The following ZNF385B variants were observed in gnomAD, a reference collection of about 807,000 sequenced individuals.
ZNF385B encodes the protein zinc finger protein 385B, also known as zinc finger protein 533.
ZNF385B carries 23 observed loss-of-function variants against 39.2 expected under a neutral mutation model. That is an observed-to-expected ratio of 0.59 (90% CI 0.42 to 0.83). The LOEUF is 0.83. ZNF385B is among the 40% of genes least tolerant of loss of function. The pLI is 0.00. For missense variants in ZNF385B, 552 were observed against 598.9 expected (o/e 0.92, Z 0.82); for synonymous variants, 205 against 222.6 (o/e 0.92, Z 0.70).
rs539293998 is a variant in ZNF385B, at chr2:179,586,896, G to A, written c.299-41927C>T. On this transcript the variant is annotated intron_variant, in intron 3 of 9. Coordinates refer to ENST00000410066, the MANE Select transcript of ZNF385B (RefSeq NM_152520.6). ...TACTAAAAATACAAAAAAATTAGCC[G>A]GGCGTGGTGGCACGTGCCTGTAGTC... Among the ~76,000 whole-genome samples, 32 of 152,004 alleles carry A rather than the reference G, an allele frequency of 2.1e-4. No homozygotes were observed. In the South Asian group the frequency reaches 6.3e-3, roughly 30 times the overall value.
At chr2:179,490,035 G>A (rs747973575) in intron 5 of ZNF385B, among the ~76,000 whole-genome samples, 16 of 152,110 alleles carry the variant, frequency 1.1e-4, no homozygotes, top group Admixed American at 2.0e-4. Flanking sequence ...TTCAACATTC[G>A]TAGTATCTTC....
intron 3 of ZNF385B, among the ~76,000 whole-genome samples, chr2:179,653,518 C>T (rs775888630): frequency 2.2e-4 from 33 of 152,148 alleles, no homozygotes; most frequent in Non-Finnish European, 3.7e-4. Flanking sequence ...ATCAGCTACT[C>T]ACTCCCCTAA....
At chr2:179,738,046 A>G (rs571812389) in intron 3 of ZNF385B, among the ~76,000 whole-genome samples, 67 of 152,108 alleles carry the variant, frequency 4.4e-4, no homozygotes, top group Non-Finnish European at 7.6e-4. Context: ...CAACCCTTAA[A>G]CCTCCTTTAT....
chr2:179,513,155 T>C (rs1023030166), intron 5 of ZNF385B, among the ~76,000 whole-genome samples: 1 of 152,216 alleles, frequency 6.6e-6, no homozygotes, highest in African/African-American at 2.4e-5. Flanking sequence ...TTAGAAATGT[T>C]ATTAAAAATA....
At chr2:179,597,926 A>G (rs2106093772) in intron 3 of ZNF385B, among the ~76,000 whole-genome samples, 1 of 152,330 alleles carries the variant, frequency 6.6e-6, no homozygotes, top group East Asian at 1.9e-4. Flanking sequence ...AGTAAAAATC[A>G]TCTTCACTAG....
chr2:179,846,649 A>G (rs1708814688), intron 1 of ZNF385B, among the ~76,000 whole-genome samples: 1 of 152,232 alleles, frequency 6.6e-6, no homozygotes, highest in Admixed American at 6.5e-5. Flanking sequence ...AGAAACAGAG[A>G]AGAATCTTTA....
intron 3 of ZNF385B, among the ~76,000 whole-genome samples, chr2:179,714,969 C>G (rs1700241973): frequency 8.6e-6 from 1 of 116,530 alleles, no homozygotes; most frequent in Non-Finnish European, 1.8e-5. Flanking sequence ...AAACAGTTTC[C>G]TGAATGTAGA....
chr2:179,545,598 G>T (rs900755512), intron 3 of ZNF385B, among the ~76,000 whole-genome samples: 1 of 152,140 alleles, frequency 6.6e-6, no homozygotes, highest in Non-Finnish European at 1.5e-5. Flanking sequence ...TTCAGACAGG[G>T]TGTTGGGGGA....
chr2:179,713,353 C>T lies in ZNF385B; in HGVS notation c.298+56150G>A, dbSNP rs75162024. On this transcript the variant is annotated intron_variant, in intron 3 of 9. Transcript: ENST00000410066. Reference sequence around the variant, plus strand: ...TGTTCCTCTCTCTCGGCTCCAGCCACGATGGTCTTCTTTAGTTCTTCAAAT... The same window carrying T: ...TGTTCCTCTCTCTCGGCTCCAGCCATGATGGTCTTCTTTAGTTCTTCAAAT... 7.7e-3 allele frequency among the ~76,000 whole-genome samples: 1,177 copies of T among 152,280 alleles called. 13 individuals carry two copies. Among genetic ancestry groups the T allele is most frequent in the African/African-American group, 0.026 (1,086 of 41,548 alleles).
At chr2:179,792,462 C>A (rs989407237) in intron 1 of ZNF385B, among the ~76,000 whole-genome samples, 3 of 149,614 alleles carry the variant, frequency 2.0e-5, no homozygotes, top group African/African-American at 7.4e-5. Flanking sequence ...GCAACCACTG[C>A]CTCCCAGGTT....
chr2:179,721,639 C>T (rs1281986515), intron 3 of ZNF385B, among the ~76,000 whole-genome samples: 1 of 151,332 alleles, frequency 6.6e-6, no homozygotes, highest in Non-Finnish European at 1.5e-5. Context: ...ACAATTATTT[C>T]AATAAAGAGA....
At chr2:179,781,757 T>C (rs1402027459) in intron 1 of ZNF385B, among the ~76,000 whole-genome samples, 1 of 152,146 alleles carries the variant, frequency 6.6e-6, no homozygotes, top group Admixed American at 6.6e-5. Context: ...ACATTCATCC[T>C]GCCAAGACTG....
intron 3 of ZNF385B, among the ~76,000 whole-genome samples, chr2:179,624,747 G>A (rs984893): frequency 0.066 from 9,973 of 152,142 alleles, 413 homozygotes; most frequent in Non-Finnish European, 0.088. Flanking sequence ...TAGGGAAGTC[G>A]GTAAACTTGC....
chr2:179,463,327 A>G (rs1400920340), intron 6 of ZNF385B, among the ~76,000 whole-genome samples: 1 of 144,736 alleles, frequency 6.9e-6, no homozygotes, highest in African/African-American at 2.6e-5. Context: ...GAAAAGGTGT[A>G]TGCTTCCACT....
At chr2:179,510,562 A>G (rs2057599119) in intron 5 of ZNF385B, among the ~76,000 whole-genome samples, 1 of 152,158 alleles carries the variant, frequency 6.6e-6, no homozygotes, top group Admixed American at 6.6e-5. Context: ...TTTAAATAGT[A>G]TGTTGGTTTG....
At position 179,773,799 on chromosome 2, in the gene ZNF385B, T is replaced by C. The variant is rs572112048; in HGVS notation, c.-154-3127A>G. Among the ~76,000 whole-genome samples the C allele has an allele frequency of 1.2e-3, 187 of 152,290 alleles. 1 individual carries two copies. The highest frequency in any genetic ancestry group is 4.2e-3 in the African/African-American group (175 of 41,562). On this transcript the variant is annotated intron_variant, in intron 1 of 9. Coordinates refer to ENST00000410066, the MANE Select transcript of ZNF385B (RefSeq NM_152520.6). ...ATTACAATAAACTACAATAAATTCT[T>C]TGGAAAGGTATACATTTTCCTCCCT...
At chr2:179,651,250 C>T (rs1693170100) in intron 3 of ZNF385B, among the ~76,000 whole-genome samples, 1 of 151,968 alleles carries the variant, frequency 6.6e-6, no homozygotes, top group Non-Finnish European at 1.5e-5. Context: ...ACTGTATATG[C>T]TATATTTTGA....
chr2:179,631,753 G>A lies in ZNF385B; in HGVS notation c.299-86784C>T, dbSNP rs1030178676. On this transcript the variant is annotated intron_variant, in intron 3 of 9. Transcript: ENST00000410066. ...TTGGATAAAGAGTCAAGACCCATCGGTGTGCTGTATTCAGGAGACCCAGCT... is the reference window on the plus strand; with the variant it reads ...TTGGATAAAGAGTCAAGACCCATCGATGTGCTGTATTCAGGAGACCCAGCT... Among the ~76,000 whole-genome samples, 4 of 152,106 alleles carry A rather than the reference G, an allele frequency of 2.6e-5. No individual in the cohort carries two copies. In the South Asian group the frequency reaches 8.3e-4, roughly 31 times the overall value.
At chr2:179,731,180 A>G (rs1175873511) in intron 3 of ZNF385B, among the ~76,000 whole-genome samples, 2 of 152,200 alleles carry the variant, frequency 1.3e-5, no homozygotes, top group African/African-American at 2.4e-5. Context: ...AGAAAGGTGT[A>G]CCTCTGCTTT....
Sources: allele counts gnomAD v4.1 joint callset (sites outside exome capture counted in the v4.1 genomes callset), GRCh38; gene constraint gnomAD v4.1.1; transcripts MANE v1.5; gene names NCBI Gene and HGNC (gene_info 2026-07-23, HGNC 2026-07-21).